MEF2A: variants seen among roughly 807,000 people sequenced by gnomAD.
MEF2A encodes myocyte-specific enhancer factor 2A.
In MEF2A, 28 loss-of-function variants were observed where a neutral mutation model predicts 55.8. The observed-to-expected ratio is 0.50, with a 90% CI of 0.37 to 0.69. The LOEUF is 0.69. Ranked by LOEUF, MEF2A falls within the 30% of genes least tolerant of loss-of-function variation. The probability of loss-of-function intolerance (pLI) is 0.00; values close to 1 mark genes in which losing one functional copy is unlikely to be tolerated. For synonymous variants in MEF2A, 239 were observed against 227.1 expected, an observed-to-expected ratio of 1.05 and a Z score of -0.47; for missense variants, 528 against 626.2, an observed-to-expected ratio of 0.84 and a Z score of 1.67.
intron 9 of MEF2A, among the ~76,000 whole-genome samples, 169 bp downstream of exon 9, chr15:99,703,554 A>G (rs1015643177): frequency 6.6e-6 from 1 of 152,182 alleles, no homozygotes; most frequent in Admixed American, 6.5e-5. Context: ...TAGTTTTTCT[A>G]TTTATAATTG....
At chr15:99,694,740 T>C (rs1325713169) in intron 8 of MEF2A, among the ~76,000 whole-genome samples, 1 of 152,206 alleles carries the variant, frequency 6.6e-6, no homozygotes, top group African/African-American at 2.4e-5. Context: ...AGTTAAGGCT[T>C]CACTTTCTTA....
intron 1 of MEF2A, among the ~76,000 whole-genome samples, chr15:99,597,668 T>TG (rs1448688138): frequency 1.3e-5 from 2 of 152,160 alleles, no homozygotes; most frequent in South Asian, 4.1e-4. Flanking sequence ...TTTTGTGGCT[T>TG]GGGGGGCATC....
chr15:99,693,477 A>G (rs1337031510), intron 8 of MEF2A, among the ~76,000 whole-genome samples: 1 of 152,168 alleles, frequency 6.6e-6, no homozygotes, highest in Non-Finnish European at 1.5e-5. Flanking sequence ...CTAGACTGCT[A>G]AAAGCAAAAG....
chr15:99,609,408 A>G (rs1009658389), intron 2 of MEF2A, among the ~76,000 whole-genome samples: 1 of 152,258 alleles, frequency 6.6e-6, no homozygotes, highest in Non-Finnish European at 1.5e-5. Flanking sequence ...TGAAAGTTAC[A>G]TAAAGCCAAA....
chr15:99,652,913 T>G (rs2047088844), intron 4 of MEF2A, among the ~76,000 whole-genome samples: 1 of 152,246 alleles, frequency 6.6e-6, no homozygotes, highest in South Asian at 2.1e-4. Flanking sequence ...TAGTGGTAAC[T>G]GGCCCTATTG....
chr15:99,612,168 C>G (rs898339275), intron 2 of MEF2A, among the ~76,000 whole-genome samples: 2 of 152,118 alleles, frequency 1.3e-5, no homozygotes, highest in Non-Finnish European at 2.9e-5. Context: ...GTAATCCTAG[C>G]ACTTTGGGAG....
intron 1 of MEF2A, among the ~76,000 whole-genome samples, chr15:99,573,566 C>T (rs1183098686): frequency 6.6e-6 from 1 of 152,218 alleles, no homozygotes; most frequent in Non-Finnish European, 1.5e-5. Flanking sequence ...ATGCATATCT[C>T]TGTTGTTCAT....
intron 2 of MEF2A, among the ~76,000 whole-genome samples, chr15:99,600,644 GTTT>G (rs1366113031): frequency 6.6e-6 from 1 of 152,032 alleles, no homozygotes; most frequent in Non-Finnish European, 1.5e-5. Flanking sequence ...TGTTCCAGCA[GTTT>G]TTTTGAAAAC....
intron 8 of MEF2A, among the ~76,000 whole-genome samples, chr15:99,691,531 C>G (rs995089043): frequency 7.9e-5 from 12 of 151,720 alleles, no homozygotes; most frequent in African/African-American, 2.9e-4. Context: ...AACCCCATCT[C>G]TACTAAAAAT....
intron 2 of MEF2A, among the ~76,000 whole-genome samples, chr15:99,605,502 T>C (rs1006611860): frequency 2.6e-5 from 4 of 152,218 alleles, no homozygotes; most frequent in African/African-American, 9.6e-5. Context: ...CTACCAACAA[T>C]GTTGAAAGCT....
At chr15:99,572,013 G>GTTTTTTTT (rs36027608) in intron 1 of MEF2A, among the ~76,000 whole-genome samples, 6 of 128,374 alleles carry the variant, frequency 4.7e-5, no homozygotes, top group Non-Finnish European at 1.0e-4. Flanking sequence ...CTCCATAGAA[G>GTTTTTTTT]TTTTTTTTTT....
At chr15:99,600,650 T>C (rs1046688665) in intron 2 of MEF2A, among the ~76,000 whole-genome samples, 3 of 152,152 alleles carry the variant, frequency 2.0e-5, no homozygotes, top group African/African-American at 7.2e-5. Context: ...AGCAGTTTTT[T>C]TGAAAACATT....
intron 5 of MEF2A, among the ~76,000 whole-genome samples, chr15:99,673,511 A>G (rs75522860): frequency 0.025 from 3,802 of 152,220 alleles, 151 homozygotes; most frequent in African/African-American, 0.082. Context: ...TTATTTTTGT[A>G]TGTTAGTCTT....
At chr15:99,587,227 G>T (rs1453634272) in intron 1 of MEF2A, among the ~76,000 whole-genome samples, 1 of 151,898 alleles carries the variant, frequency 6.6e-6, no homozygotes, top group Non-Finnish European at 1.5e-5. Flanking sequence ...CCCATGACAG[G>T]CCCCGGTGTG....
chr15:99,576,334 G>A (rs1004287374), intron 1 of MEF2A, among the ~76,000 whole-genome samples: 1 of 152,080 alleles, frequency 6.6e-6, no homozygotes, highest in Non-Finnish European at 1.5e-5. Flanking sequence ...TTCTACAGTG[G>A]TTGGGTCTTG....
intron 4 of MEF2A, among the ~76,000 whole-genome samples, chr15:99,668,287 A>G (rs2050180865): frequency 6.6e-6 from 1 of 152,240 alleles, no homozygotes; most frequent in African/African-American, 2.4e-5. Flanking sequence ...AACAGGGTGT[A>G]TCATCGGCTT....
chr15:99,599,328 T>C (rs1972233412), intron 2 of MEF2A, among the ~76,000 whole-genome samples: 1 of 152,140 alleles, frequency 6.6e-6, no homozygotes, highest in Admixed American at 6.5e-5. Flanking sequence ...ATTTTAAATA[T>C]TAGATATCAT....
At chr15:99,593,533 C>T (rs909589740) in intron 1 of MEF2A, among the ~76,000 whole-genome samples, 4 of 152,118 alleles carry the variant, frequency 2.6e-5, no homozygotes, top group African/African-American at 4.8e-5. Context: ...TAAAAATACC[C>T]GTTGCAACTA....
chr15:99,706,732 A>AC lies in MEF2A; in HGVS notation c.889dup (p.Gln297ProfsTer5). 1 of 1,612,908 alleles carries AC rather than the reference A, an allele frequency of 6.2e-7. No individual in the cohort carries two copies. On this transcript the variant is annotated frameshift_variant, in exon 10 of 12. Transcript: ENST00000557942. LOFTEE classifies it high-confidence loss of function. ...TTTCTCTTTTTTGATCTCACAGAATACCCAGAGGATCAGTAGTTCTCAAGC... is the reference window on the plus strand; with the variant it reads ...TTTCTCTTTTTTGATCTCACAGAATACCCCAGAGGATCAGTAGTTCTCAAGC...
Sources: allele counts gnomAD v4.1 joint callset (sites outside exome capture counted in the v4.1 genomes callset), GRCh38; gene constraint gnomAD v4.1.1; transcripts MANE v1.5; gene names NCBI Gene and HGNC (gene_info 2026-07-23, HGNC 2026-07-21).